The following LINGO2 variants were observed in gnomAD, a reference collection of about 807,000 sequenced individuals.
LINGO2 encodes leucine-rich repeat and immunoglobulin-like domain-containing nogo receptor-interacting protein 2.
In LINGO2, 14 loss-of-function variants were observed where a neutral mutation model predicts 30.6. That is an observed-to-expected ratio of 0.46 (90% CI 0.30 to 0.72). LINGO2 has a LOEUF of 0.72. LINGO2 is among the 30% of genes least tolerant of loss of function. LINGO2 has a pLI of 0.07. For synonymous variants in LINGO2, 317 were observed against 288.5 expected, an observed-to-expected ratio of 1.10 and a Z score of -1.00; for missense variants, 729 against 751.7, an observed-to-expected ratio of 0.97 and a Z score of 0.35.
the LINGO2 span, among the ~76,000 whole-genome samples, chr9:28,875,629 A>G: frequency 1.3e-5 from 2 of 152,010 alleles, no homozygotes; most frequent in African/African-American, 4.8e-5. Flanking sequence ...CCCACGTCGA[A>G]ATTTTACCTT....
At chr9:28,623,154 T>C (rs928419797) in intron 1 of LINGO2, among the ~76,000 whole-genome samples, 17 of 152,120 alleles carry the variant, frequency 1.1e-4, no homozygotes, top group Admixed American at 1.3e-4. Flanking sequence ...CTCTTCACTT[T>C]GTTGATTGAT....
intron 3 of LINGO2, among the ~76,000 whole-genome samples, chr9:28,299,566 T>A (rs1824058114): frequency 6.6e-6 from 1 of 152,118 alleles, no homozygotes; most frequent in African/African-American, 2.4e-5. Context: ...ATTTTATATG[T>A]AGTTTCTTTT....
intron 5 of LINGO2, among the ~76,000 whole-genome samples, chr9:27,991,333 T>C (rs1821389652): frequency 1.3e-5 from 2 of 152,076 alleles, no homozygotes; most frequent in Non-Finnish European, 2.9e-5. Flanking sequence ...CTCTCCCGGA[T>C]GATTTGCTTG....
chr9:28,084,676 G>A (rs150682014), intron 4 of LINGO2, among the ~76,000 whole-genome samples: 71 of 152,258 alleles, frequency 4.7e-4, no homozygotes, highest in Admixed American at 8.5e-4. Context: ...GACTCCAGAT[G>A]CTGTTTTATC....
At chr9:28,581,906 TTTTA>T (rs1354127191) in intron 1 of LINGO2, among the ~76,000 whole-genome samples, 18 of 152,142 alleles carry the variant, frequency 1.2e-4, no homozygotes, top group Admixed American at 9.8e-4. Context: ...CTTTTCACTA[TTTTA>T]TTTTTTATTA....
chr9:28,697,808 A>G, the LINGO2 span, among the ~76,000 whole-genome samples: 1 of 151,996 alleles, frequency 6.6e-6, no homozygotes, highest in African/African-American at 2.4e-5. Flanking sequence ...GGCGCTTCTT[A>G]TTGCTGCAAT....
intron 2 of LINGO2, among the ~76,000 whole-genome samples, chr9:28,396,490 G>T (rs1457238905): frequency 2.0e-5 from 3 of 151,944 alleles, no homozygotes; most frequent in Admixed American, 1.3e-4. Flanking sequence ...GGATCACAGG[G>T]TCAGGAGATC....
At chr9:28,625,041 C>A (rs1465287639) in intron 1 of LINGO2, among the ~76,000 whole-genome samples, 1 of 152,002 alleles carries the variant, frequency 6.6e-6, no homozygotes, top group Non-Finnish European at 1.5e-5. Flanking sequence ...CAGCCCAGCA[C>A]TAGAAGTTGC....
chr9:27,980,266 C>T (rs1239147998), intron 5 of LINGO2, among the ~76,000 whole-genome samples: 1 of 151,906 alleles, frequency 6.6e-6, no homozygotes. Flanking sequence ...AAGTGCCTTT[C>T]TATGCCATTT....
chr9:28,794,328 ACAC>A, the LINGO2 span, among the ~76,000 whole-genome samples: 3 of 151,924 alleles, frequency 2.0e-5, no homozygotes, highest in Admixed American at 2.0e-4. Flanking sequence ...CAAAACCAAA[ACAC>A]ACACACACAT....
chr9:28,957,406 A>G, the LINGO2 span, among the ~76,000 whole-genome samples: 23 of 152,310 alleles, frequency 1.5e-4, no homozygotes, highest in African/African-American at 5.3e-4. Flanking sequence ...CTTGAAGGAG[A>G]AAGAGAATGA....
At chr9:28,699,756 G>T in the LINGO2 span, among the ~76,000 whole-genome samples, 4 of 151,870 alleles carry the variant, frequency 2.6e-5, no homozygotes, top group Admixed American at 6.6e-5. Flanking sequence ...GTATTCCTGG[G>T]GGGAGGTCTA....
intron 4 of LINGO2, among the ~76,000 whole-genome samples, chr9:28,150,113 C>T (rs1827954211): frequency 2.7e-5 from 4 of 149,646 alleles, no homozygotes; most frequent in Admixed American, 2.7e-4. Context: ...GCCCAGCCAC[C>T]GCCCTGTCTG....
chr9:29,179,216 C>G, the LINGO2 span, among the ~76,000 whole-genome samples: 1 of 131,758 alleles, frequency 7.6e-6, no homozygotes, highest in East Asian at 2.2e-4. Context: ...TCACTCCTTG[C>G]TCCATGATTC....
chr9:28,881,382 C>A, the LINGO2 span, among the ~76,000 whole-genome samples: 1 of 152,178 alleles, frequency 6.6e-6, no homozygotes, highest in Non-Finnish European at 1.5e-5. Context: ...CCTCAGCCTC[C>A]CAAAGTGCTG....
Position 28,582,950 on chromosome 9 carries a change from T to A in LINGO2, c.-365+87250A>T, listed in dbSNP as rs193063845. 2.7e-3 allele frequency among the ~76,000 whole-genome samples: 416 copies of A among 152,158 alleles called. 1 individual carries two copies. The highest frequency in any genetic ancestry group is 4.8e-3 in the Non-Finnish European group (328 of 67,966). ...TCTAGTTGTTAGTATTATCTTTTTT[T>A]AATTTGTGTATATGTGTATACACAA... On this transcript the variant is annotated intron_variant, in intron 1 of 5. Transcript: ENST00000379992.
At chr9:28,461,466 TA>T (rs1220229032) in intron 2 of LINGO2, among the ~76,000 whole-genome samples, 1 of 152,134 alleles carries the variant, frequency 6.6e-6, no homozygotes, top group African/African-American at 2.4e-5. Flanking sequence ...CCTAATGACT[TA>T]GGTTGGGCAT....
the LINGO2 span, among the ~76,000 whole-genome samples, chr9:29,196,314 C>A: frequency 6.6e-6 from 1 of 151,986 alleles, no homozygotes; most frequent in Non-Finnish European, 1.5e-5. Context: ...GACTTCCTTT[C>A]TTTTCTATTT....
intron 5 of LINGO2, among the ~76,000 whole-genome samples, chr9:27,957,648 A>C (rs1386782408): frequency 2.0e-5 from 3 of 148,896 alleles, no homozygotes; most frequent in African/African-American, 7.8e-5. Context: ...TTGTTCATCC[A>C]ATTTTTGTCT....
Sources: allele counts gnomAD v4.1 joint callset (sites outside exome capture counted in the v4.1 genomes callset), GRCh38; gene constraint gnomAD v4.1.1; transcripts MANE v1.5; gene names NCBI Gene and HGNC (gene_info 2026-07-23, HGNC 2026-07-21).